SYNE1: variants seen among roughly 807,000 people sequenced by gnomAD.
SYNE1 encodes spectrin repeat containing nuclear envelope protein 1, also known as nesprin-1.
SYNE1 carries 616 observed loss-of-function variants against 1,111.0 expected under a neutral mutation model. The ratio of observed to expected loss-of-function variants is 0.55; its 90% CI spans 0.52 to 0.59. SYNE1 has a LOEUF of 0.59. Among genes scored for constraint, SYNE1 ranks in the 20% least tolerant of loss-of-function variants. The pLI is 0.00. For missense variants in SYNE1, 10,006 were observed against 10,417.0 expected (o/e 0.96, Z 1.72); for synonymous variants, 3,855 against 3,825.8 (o/e 1.01, Z -0.28).
In SYNE1 at chr6:152,330,583, G is replaced by A; in HGVS notation, c.14102C>T (p.Pro4701Leu). 6.2e-7 allele frequency: 1 copy of A among 1,613,714 alleles called. No homozygotes were observed. The highest frequency in any genetic ancestry group is 1.1e-5 in the South Asian group (1 of 91,078). Residue 4701 changes from proline to leucine, a missense_variant, in exon 78 of 146, where the codon CCC (proline) becomes CTC (leucine). By Grantham distance (98) the Pro-to-Leu change is moderately conservative (BLOSUM62 -3). Coordinates refer to ENST00000367255, the MANE Select transcript of SYNE1 (RefSeq NM_182961.4). ...AGCCTCCTCAACGGCCAGGTCGGTGGGAACTTTGCTCATCCTCAAGAATTG... is the reference window on the plus strand; with the variant it reads ...AGCCTCCTCAACGGCCAGGTCGGTGAGAACTTTGCTCATCCTCAAGAATTG... ...EAQFLRMSKV[P>L]TDLAVEEALS...
chr6:152,390,121 C>T (rs2097584209), intron 53 of SYNE1, among the ~76,000 whole-genome samples, 159 bp downstream of exon 53: 1 of 152,164 alleles, frequency 6.6e-6, no homozygotes, highest in Non-Finnish European at 1.5e-5. Flanking sequence ...AAAAACCAGT[C>T]ATCGCCCTAT....
chr6:152,518,982 T>A (rs1564602602), intron 6 of SYNE1, among the ~76,000 whole-genome samples: 1 of 146,600 alleles, frequency 6.8e-6, no homozygotes, highest in Non-Finnish European at 1.5e-5. Context: ...CACCCGGGAC[T>A]GTTGTAGGGT....
chr6:152,384,729 G>GT (rs1399072706), intron 55 of SYNE1, among the ~76,000 whole-genome samples: 1 of 151,882 alleles, frequency 6.6e-6, no homozygotes, highest in Non-Finnish European at 1.5e-5. Flanking sequence ...AAATACAAAA[G>GT]TTAGCCAGAC....
chr6:152,614,641 C>A (rs1361137605), intron 3 of SYNE1, among the ~76,000 whole-genome samples: 4 of 151,968 alleles, frequency 2.6e-5, no homozygotes, highest in Admixed American at 1.3e-4. Flanking sequence ...GGGTATATAC[C>A]CAAAGGATTA....
intron 73 of SYNE1, 112 bp downstream of exon 73, chr6:152,346,947 A>T (rs2096647824): frequency 7.5e-7 from 1 of 1,342,050 alleles, no homozygotes; most frequent in African/African-American, 1.5e-5. Context: ...CTGGCAACAC[A>T]CCAAAACGAA....
At chr6:152,418,456 C>T (rs142009866) in intron 40 of SYNE1, among the ~76,000 whole-genome samples, 141 of 152,284 alleles carry the variant, frequency 9.3e-4, no homozygotes, top group Non-Finnish European at 1.4e-3. Flanking sequence ...GGAGTGAACA[C>T]TCAATAAATA....
chr6:152,174,373 G>C (rs1319687781), intron 130 of SYNE1, among the ~76,000 whole-genome samples: 1 of 152,126 alleles, frequency 6.6e-6, no homozygotes, highest in Non-Finnish European at 1.5e-5. Context: ...GAAACTCCGA[G>C]ACCAGTTTAA....
chr6:152,278,250 C>G lies in SYNE1; in HGVS notation c.18412G>C (p.Val6138Leu). 1 of 1,614,186 alleles carries G rather than the reference C, an allele frequency of 6.2e-7. No individual in the cohort carries two copies. The highest frequency in any genetic ancestry group is 8.5e-7 in the Non-Finnish European group (1 of 1,180,046). The change falls in exon 98 of 146, where the codon GTG becomes CTG. Residue 6138 changes from valine to leucine, a missense_variant. Transcript: ENST00000367255. ...NMLVEIEQKV[V>L]ALSELSVHNE... The stretch of plus-strand genomic sequence containing the variant: ...TGGACTGACAGTTCTGATAAAGCCA[C>G]CACCTTCTGCTCTATTTCCACCAGC...
At chr6:152,230,026 A>C (rs1404099745) in intron 115 of SYNE1, among the ~76,000 whole-genome samples, 1 of 113,426 alleles carries the variant, frequency 8.8e-6, no homozygotes, top group Admixed American at 1.0e-4. Context: ...AAAAAGAAAT[A>C]ATTTAGGCAA....
chr6:152,351,525 C>T (rs1439207461), intron 70 of SYNE1, among the ~76,000 whole-genome samples: 2 of 152,232 alleles, frequency 1.3e-5, no homozygotes, highest in Admixed American at 6.5e-5. Flanking sequence ...GCTATAGCCA[C>T]ATCACTATTT....
chr6:152,161,880 T>C (rs1217624337), intron 131 of SYNE1, among the ~76,000 whole-genome samples: 3 of 152,200 alleles, frequency 2.0e-5, no homozygotes, highest in Non-Finnish European at 4.4e-5. Flanking sequence ...GGCTAGGGTG[T>C]AAGCCTGGGT....
intron 75 of SYNE1, among the ~76,000 whole-genome samples, chr6:152,337,957 G>C (rs2096441874): frequency 6.6e-6 from 1 of 152,050 alleles, no homozygotes; most frequent in South Asian, 2.1e-4. Context: ...AGACCCACCT[G>C]GGCAACACAG....
Position 152,308,580 on chromosome 6 carries a change from T to C in SYNE1, c.17255A>G (p.Gln5752Arg), listed in dbSNP as rs201146113. The C allele has an allele frequency of 8.7e-6, 14 of 1,613,802 alleles. No homozygotes were observed. The highest frequency in any genetic ancestry group is 1.6e-4 in the Middle Eastern group (1 of 6,084). ...QYEQEMKHLQ[Q>R]LIEGAHREIE... ...CTCTCTGTGAGCTCCTTCTATCAGT[T>C]GCTGGAGATGTTTCATTTCTTGCTC... Residue 5752 changes from glutamine to arginine, a missense_variant, in exon 91 of 146, where the codon CAA becomes CGA. Gln to Arg is a conservative substitution (Grantham distance 43, BLOSUM62 1). Coordinates refer to ENST00000367255, the MANE Select transcript of SYNE1 (RefSeq NM_182961.4).
At chr6:152,504,015 A>T (rs1240583720) in intron 9 of SYNE1, among the ~76,000 whole-genome samples, 1 of 152,124 alleles carries the variant, frequency 6.6e-6, no homozygotes, top group Non-Finnish European at 1.5e-5. Flanking sequence ...TATATCTAGG[A>T]TAGCCTTGTA....
In SYNE1 at chr6:152,387,212, C is replaced by T; in HGVS notation, c.8347G>A (p.Ala2783Thr). 2 of 1,614,170 alleles carry T rather than the reference C, an allele frequency of 1.2e-6. No homozygotes were observed. The highest frequency in any genetic ancestry group is 1.7e-6 in the Non-Finnish European group (2 of 1,180,020). Residue 2783 changes from alanine to threonine, a missense_variant, in exon 54 of 146, where the codon GCA becomes ACA. Ala to Thr is a moderately conservative substitution (Grantham distance 58, BLOSUM62 0). Coordinates refer to ENST00000367255, the MANE Select transcript of SYNE1 (RefSeq NM_182961.4). Reference sequence around the variant, plus strand: ...TGAAGGGCTCTCGTGTGATCTTCTGCCTCAGACAGGATGGACTGGAGGTGG... The same window carrying T: ...TGAAGGGCTCTCGTGTGATCTTCTGTCTCAGACAGGATGGACTGGAGGTGG... The part of the protein sequence containing the change: ...LDHLQSILSE[A>T]EDHTRALHRL...
chr6:152,359,043 C>T (rs953497683), intron 65 of SYNE1, among the ~76,000 whole-genome samples: 1 of 152,150 alleles, frequency 6.6e-6, no homozygotes, highest in Non-Finnish European at 1.5e-5. Context: ...ATTTATGAGT[C>T]TTCAATTGAA....
In SYNE1 at chr6:152,330,698, A is replaced by G. The variant is rs886044529; in HGVS notation, c.13987T>C (p.Phe4663Leu). 1.2e-6 allele frequency: 2 copies of G among 1,613,840 alleles called. No individual in the cohort carries two copies. Among genetic ancestry groups the G allele is most frequent in the African/African-American group, 1.3e-5 (1 of 74,886 alleles). Reference sequence around the variant, plus strand: ...AGAATTGCTTCCTGGACTTTATAGAACTTGTCTTTAGCCAAGGCAACAATT... The same window carrying G: ...AGAATTGCTTCCTGGACTTTATAGAGCTTGTCTTTAGCCAAGGCAACAATT... Reference protein sequence around the residue: ...NVIVALAKDKFYKVQEAILAR... With the variant: ...NVIVALAKDKLYKVQEAILAR... The change falls in exon 78 of 146, where the codon TTC becomes CTC. Residue 4663 changes from phenylalanine to leucine, a missense_variant. Transcript: ENST00000367255.
intron 63 of SYNE1, chr6:152,363,904 T>C (rs2096997491): frequency 2.8e-6 from 1 of 356,114 alleles, no homozygotes; most frequent in South Asian, 2.1e-5. Context: ...CCTGACTGGA[T>C]TAAGTTGCAG....
At position 152,148,882 on chromosome 6, in the gene SYNE1, A is replaced by C. The variant is rs530741982; in HGVS notation, c.24643-504T>G. 1.3e-5 allele frequency among the ~76,000 whole-genome samples: 2 copies of C among 152,180 alleles called. No homozygotes were observed. Among genetic ancestry groups the C allele is most frequent in the Non-Finnish European group, 2.9e-5 (2 of 68,030 alleles). On this transcript the variant is annotated intron_variant, in intron 136 of 145. Transcript: ENST00000367255. This position sits in a 1 kb window ranked among gnomAD's most constrained non-coding sequence, Gnocchi z 4.1. Reference sequence around the variant, plus strand: ...CAAGGATCGGAAATAAGAGCAAATTACTAAGACCTTAGCTTGTCCTTATAG... The same window carrying C: ...CAAGGATCGGAAATAAGAGCAAATTCCTAAGACCTTAGCTTGTCCTTATAG...
Sources: gnomAD v4.1 joint callset for allele counts (sites outside exome capture counted in the v4.1 genomes callset) on GRCh38, gnomAD v4.1.1 for gene constraint, Gnocchi (gnomAD v3.1) non-coding constraint, MANE v1.5 for transcripts, NCBI Gene and HGNC (gene_info 2026-07-23, HGNC 2026-07-21) for gene names.